Variants in KCNB2 observed in about 807,000 individuals in gnomAD.
KCNB2 encodes the protein potassium voltage-gated channel subfamily B member 2.
Under a neutral mutation model 61.5 loss-of-function variants are expected in KCNB2, and 15 were observed. The ratio of observed to expected loss-of-function variants is 0.24; its 90% CI spans 0.16 to 0.38. KCNB2 has a LOEUF of 0.38. Ranked by LOEUF, KCNB2 falls within the 10% of genes least tolerant of loss-of-function variation. KCNB2 has a pLI of 1.00. For missense variants in KCNB2, 828 were observed against 1,125.2 expected, an observed-to-expected ratio of 0.74 and a Z score of 3.78; for synonymous variants, 457 against 446.0, an observed-to-expected ratio of 1.02 and a Z score of -0.31.
chr8:72,653,826 A>G (rs954086963), intron 2 of KCNB2, among the ~76,000 whole-genome samples: 6 of 152,186 alleles, frequency 3.9e-5, no homozygotes, highest in African/African-American at 1.4e-4. Flanking sequence ...GGGTTATGTT[A>G]TATACTTGTT....
intron 2 of KCNB2, among the ~76,000 whole-genome samples, chr8:72,861,594 C>A (rs187110620): frequency 1.2e-3 from 180 of 152,270 alleles, no homozygotes; most frequent in African/African-American, 3.7e-3. Context: ...GAGGCCCGAG[C>A]TGGTTTTGGC....
intron 2 of KCNB2, among the ~76,000 whole-genome samples, chr8:72,632,503 G>A (rs911340047): frequency 6.6e-6 from 1 of 152,144 alleles, no homozygotes; most frequent in Admixed American, 6.5e-5. Flanking sequence ...CAGGTAGGAT[G>A]CTAATTTTGT....
rs192886787 is a variant in KCNB2 at position 72,716,194 on chromosome 8, C to A, written c.579+147881C>A. Reference sequence around the variant, plus strand: ...AATAGCTTAGCAACCAAAAAAAGTCCAGGACCAGATGGATTCACAGCCGAA... The same window carrying A: ...AATAGCTTAGCAACCAAAAAAAGTCAAGGACCAGATGGATTCACAGCCGAA... On this transcript the variant is annotated intron_variant, in intron 2 of 2. Transcript: ENST00000523207. 1.6e-3 allele frequency among the ~76,000 whole-genome samples: 240 copies of A among 152,170 alleles called. 2 individuals are homozygous for A. Among genetic ancestry groups the A allele is most frequent in the African/African-American group, 5.5e-3 (228 of 41,508 alleles).
chr8:72,576,944 A>G (rs900924034), intron 2 of KCNB2, among the ~76,000 whole-genome samples: 1 of 152,206 alleles, frequency 6.6e-6, no homozygotes, highest in Non-Finnish European at 1.5e-5. Context: ...AGAGGAAGAC[A>G]TTTGCTTTCA....
chr8:72,734,723 T>A (rs1807809575), intron 2 of KCNB2, among the ~76,000 whole-genome samples: 1 of 152,156 alleles, frequency 6.6e-6, no homozygotes, highest in Non-Finnish European at 1.5e-5. Context: ...GAAATCAGTG[T>A]CAGTCAGTGA....
rs1009880483 is a variant in KCNB2, at chr8:72,828,176, AT to A, written c.580-107758del. ...AGCTTAAGTATTAATAATCAAAAAA[AT>A]AATAATCAAATTGTAAACATGGTCT... On this transcript the variant is annotated intron_variant, in intron 2 of 2. Transcript: ENST00000523207. Among the ~76,000 whole-genome samples, 29 of 152,300 alleles carry A rather than the reference AT, an allele frequency of 1.9e-4. No individual in the cohort carries two copies. In the South Asian group the frequency reaches 2.3e-3, roughly 12 times the overall value.
intron 2 of KCNB2, among the ~76,000 whole-genome samples, chr8:72,832,996 G>T (rs1381656383): frequency 6.6e-6 from 1 of 152,200 alleles, no homozygotes; most frequent in Non-Finnish European, 1.5e-5. Flanking sequence ...ATACATAGGA[G>T]ACCTATGGAG....
intron 2 of KCNB2, among the ~76,000 whole-genome samples, chr8:72,590,660 C>G (rs887244690): frequency 6.6e-6 from 1 of 152,108 alleles, no homozygotes; most frequent in African/African-American, 2.4e-5. Flanking sequence ...TTGCAGTTTG[C>G]AAGAGGTAAC....
chr8:72,676,843 A>G (rs1460812020), intron 2 of KCNB2, among the ~76,000 whole-genome samples: 1 of 152,072 alleles, frequency 6.6e-6, no homozygotes, highest in African/African-American at 2.4e-5. Flanking sequence ...ATGCATCTGA[A>G]TCCATACACA....
rs557041798 is a variant in KCNB2 at position 72,883,366 on chromosome 8, C to T, written c.580-52569C>T. ...CCTGCTGTCCTCAGTTATCCACTGA[C>T]CTGGCTGGAAGGATGGTCTTAGTCT... On this transcript the variant is annotated intron_variant, in intron 2 of 2. Transcript: ENST00000523207. Among the ~76,000 whole-genome samples the T allele has an allele frequency of 2.6e-5, 4 of 152,316 alleles. No homozygotes were observed. In the South Asian group the frequency reaches 8.3e-4, roughly 32 times the overall value.
chr8:72,630,266 G>T (rs183206967), intron 2 of KCNB2, among the ~76,000 whole-genome samples: 4 of 152,210 alleles, frequency 2.6e-5, no homozygotes, highest in African/African-American at 7.2e-5. Context: ...TAGGAATTTA[G>T]TCTTCAAGCA....
In KCNB2 at chr8:72,666,317, T is replaced by C. The variant is rs1806470999; in HGVS notation, c.579+98004T>C. On this transcript the variant is annotated intron_variant, in intron 2 of 2. Coordinates refer to ENST00000523207, the MANE Select transcript of KCNB2 (RefSeq NM_004770.3). ...TTTTCGATCCCTTTTTCATAGTTCTTTCTGCTGCTTAAAAGAGGGAAAAAA... is the reference window on the plus strand; with the variant it reads ...TTTTCGATCCCTTTTTCATAGTTCTCTCTGCTGCTTAAAAGAGGGAAAAAA... Among the ~76,000 whole-genome samples, 3 of 147,626 alleles carry C rather than the reference T, an allele frequency of 2.0e-5. No individual in the cohort carries two copies. The South Asian group carries it at 6.3e-4, about 31-fold the overall frequency.
chr8:72,678,635 A>G (rs1273582955), intron 2 of KCNB2, among the ~76,000 whole-genome samples: 1 of 152,192 alleles, frequency 6.6e-6, no homozygotes, highest in African/African-American at 2.4e-5. Context: ...ACCCTTGCCT[A>G]GTTATTCTCT....
intron 2 of KCNB2, among the ~76,000 whole-genome samples, chr8:72,757,543 A>G (rs1413364014): frequency 6.6e-6 from 1 of 152,154 alleles, no homozygotes; most frequent in Non-Finnish European, 1.5e-5. Context: ...AGAGATGGGT[A>G]ATTGATACCT....
At chr8:72,900,255 CT>C (rs1479540189) in intron 2 of KCNB2, among the ~76,000 whole-genome samples, 27 of 152,292 alleles carry the variant, frequency 1.8e-4, no homozygotes, top group African/African-American at 6.5e-4. Context: ...AAAGAACTCC[CT>C]ATTCAATAAA....
chr8:72,625,942 C>CA (rs1805783244), intron 2 of KCNB2, among the ~76,000 whole-genome samples: 3 of 150,824 alleles, frequency 2.0e-5, no homozygotes, highest in Admixed American at 6.6e-5. Context: ...CTCACTATTT[C>CA]AAAAAAACAA....
intron 2 of KCNB2, among the ~76,000 whole-genome samples, chr8:72,912,721 G>A (rs1300794716): frequency 1.3e-5 from 2 of 151,978 alleles, no homozygotes; most frequent in East Asian, 3.9e-4. Flanking sequence ...GCTCAAAGAA[G>A]ATCAATCAGG....
intron 2 of KCNB2, among the ~76,000 whole-genome samples, chr8:72,799,736 G>A (rs907152309): frequency 7.2e-5 from 11 of 152,142 alleles, no homozygotes; most frequent in African/African-American, 2.2e-4. Context: ...ACCAGATACC[G>A]AAAGATGGAG....
chr8:72,934,376 T>G (rs1806855630), intron 2 of KCNB2, among the ~76,000 whole-genome samples: 1 of 122,928 alleles, frequency 8.1e-6, no homozygotes, highest in Non-Finnish European at 1.6e-5. Flanking sequence ...AACAAAACCT[T>G]TCCCCCTTCA....
Sources: gnomAD v4.1 joint callset for allele counts (sites outside exome capture counted in the v4.1 genomes callset) on GRCh38, gnomAD v4.1.1 for gene constraint, MANE v1.5 for transcripts, NCBI Gene and HGNC (gene_info 2026-07-23, HGNC 2026-07-21) for gene names.